Variants in LHFPL3 observed in about 807,000 individuals in gnomAD.
LHFPL3 encodes the protein LHFPL tetraspan subfamily member 3.
LHFPL3 carries 5 observed loss-of-function variants against 19.3 expected under a neutral mutation model. That is an observed-to-expected ratio of 0.26 (90% CI 0.14 to 0.54). The LOEUF (loss-of-function observed/expected upper bound fraction) is 0.54. Among genes scored for constraint, LHFPL3 ranks in the 20% least tolerant of loss-of-function variants. The pLI is 0.94. For synonymous variants in LHFPL3, 133 were observed against 126.2 expected (o/e 1.05, Z -0.36); for missense variants, 249 against 307.4 (o/e 0.81, Z 1.42).
chr7:104,531,990 G>A (rs916937593), intron 1 of LHFPL3, among the ~76,000 whole-genome samples: 48 of 152,164 alleles, frequency 3.2e-4, no homozygotes, highest in African/African-American at 1.1e-3. Flanking sequence ...GTTCTGGGCC[G>A]TGATTCCTTC....
chr7:104,794,177 C>G (rs963201408), intron 2 of LHFPL3, among the ~76,000 whole-genome samples: 1 of 152,174 alleles, frequency 6.6e-6, no homozygotes, highest in Non-Finnish European at 1.5e-5. Flanking sequence ...CAAATCTGCT[C>G]TAAATAGCCA....
chr7:104,337,169 G>GT (rs1455630635), intron 1 of LHFPL3, among the ~76,000 whole-genome samples: 1 of 151,968 alleles, frequency 6.6e-6, no homozygotes, highest in African/African-American at 2.4e-5. Flanking sequence ...AGAAGGCTCA[G>GT]TATTAAAACA....
chr7:104,557,322 G>A (rs1789864695), intron 1 of LHFPL3, among the ~76,000 whole-genome samples: 1 of 152,198 alleles, frequency 6.6e-6, no homozygotes, highest in African/African-American at 2.4e-5. Context: ...CATAGCTGGG[G>A]AGGCCTCACA....
intron 2 of LHFPL3, among the ~76,000 whole-genome samples, chr7:104,882,209 T>C (rs1792072039): frequency 6.6e-6 from 1 of 152,124 alleles, no homozygotes; most frequent in African/African-American, 2.4e-5. Flanking sequence ...ACTGAAAGAA[T>C]CCAACCACTA....
At chr7:104,427,014 A>G (rs1791860357) in intron 1 of LHFPL3, among the ~76,000 whole-genome samples, 1 of 152,192 alleles carries the variant, frequency 6.6e-6, no homozygotes, top group African/African-American at 2.4e-5. Context: ...ATAACTAATA[A>G]ATAGTTATAG....
chr7:104,745,217 CTT>C (rs1399023689), intron 2 of LHFPL3, among the ~76,000 whole-genome samples: 3 of 152,302 alleles, frequency 2.0e-5, no homozygotes, highest in African/African-American at 7.2e-5. Flanking sequence ...TCCTGGGAAA[CTT>C]TTGCTTTCCT....
chr7:104,405,513 A>G (rs1791396762), intron 1 of LHFPL3, among the ~76,000 whole-genome samples: 1 of 152,162 alleles, frequency 6.6e-6, no homozygotes, highest in Non-Finnish European at 1.5e-5. Flanking sequence ...TATTTTAGAT[A>G]AATTTTCTCT....
intron 1 of LHFPL3, among the ~76,000 whole-genome samples, chr7:104,731,284 G>A (rs994466005): frequency 1.4e-5 from 2 of 146,986 alleles, no homozygotes; most frequent in African/African-American, 5.1e-5. Flanking sequence ...GCTTGATGGG[G>A]ATGGCATTGA....
Position 104,690,090 on chromosome 7 carries a change from T to C in LHFPL3, c.446-46585T>C, listed in dbSNP as rs953639857. On this transcript the variant is annotated intron_variant, in intron 1 of 2. Coordinates refer to ENST00000424859, the MANE Select transcript of LHFPL3 (RefSeq NM_199000.3). Reference sequence around the variant, plus strand: ...GTGCCACCATCAAGGACTTAAAAGATGCAGGGGTGGTGATTCCCAACACAT... The same window carrying C: ...GTGCCACCATCAAGGACTTAAAAGACGCAGGGGTGGTGATTCCCAACACAT... Among the ~76,000 whole-genome samples, 179 of 152,386 alleles carry C rather than the reference T, an allele frequency of 1.2e-3. 2 individuals are homozygous for C. The highest frequency in any genetic ancestry group is 4.1e-3 in the African/African-American group (171 of 41,602).
rs1040357681 is a variant in LHFPL3 at position 104,868,735 on chromosome 7, C to T, written c.683-37452C>T. 6.6e-5 allele frequency among the ~76,000 whole-genome samples: 10 copies of T among 152,074 alleles called. No homozygotes were observed. In the East Asian group the frequency reaches 1.2e-3, roughly 18 times the overall value. ...AATTGGAAAAAACGACTTTAAAGTT[C>T]ATATAGAACCAAAAAAGAGCCCGCA... On this transcript the variant is annotated intron_variant, in intron 2 of 2. Coordinates refer to ENST00000424859, the MANE Select transcript of LHFPL3 (RefSeq NM_199000.3).
At chr7:104,717,470 T>C (rs138309347) in intron 1 of LHFPL3, among the ~76,000 whole-genome samples, 3 of 152,216 alleles carry the variant, frequency 2.0e-5, no homozygotes, top group African/African-American at 7.2e-5. Flanking sequence ...GAAAAACTAA[T>C]AACCTGATTT....
chr7:104,502,083 G>C (rs368607202), intron 1 of LHFPL3, among the ~76,000 whole-genome samples: 2 of 152,190 alleles, frequency 1.3e-5, no homozygotes, highest in African/African-American at 4.8e-5. Context: ...TGTGAAAATA[G>C]ACATGAATCA....
intron 1 of LHFPL3, among the ~76,000 whole-genome samples, chr7:104,433,049 G>A (rs190678578): frequency 2.0e-5 from 3 of 152,158 alleles, no homozygotes; most frequent in East Asian, 1.9e-4. Context: ...ATGCCAAAGA[G>A]CTTTGTTTAT....
intron 1 of LHFPL3, among the ~76,000 whole-genome samples, chr7:104,376,751 C>T (rs920794159): frequency 2.6e-5 from 4 of 152,216 alleles, no homozygotes; most frequent in South Asian, 2.1e-4. Flanking sequence ...CAAGCCTTGG[C>T]GACACTCCTC....
intron 1 of LHFPL3, among the ~76,000 whole-genome samples, chr7:104,343,985 A>G (rs1396512005): frequency 6.6e-6 from 1 of 152,186 alleles, no homozygotes; most frequent in Non-Finnish European, 1.5e-5. Context: ...AGAATGACAT[A>G]TACTATAGAT....
intron 2 of LHFPL3, among the ~76,000 whole-genome samples, chr7:104,835,349 C>T (rs1314634289): frequency 6.6e-6 from 1 of 151,844 alleles, no homozygotes; most frequent in African/African-American, 2.4e-5. Flanking sequence ...CTTCATGGAG[C>T]CCTACACTTT....
At chr7:104,506,198 G>C (rs1165104559) in intron 1 of LHFPL3, among the ~76,000 whole-genome samples, 9 of 152,026 alleles carry the variant, frequency 5.9e-5, no homozygotes, top group Non-Finnish European at 1.5e-5. Flanking sequence ...TGTGTTTTTA[G>C]TAGAGACGGG....
At chr7:104,857,271 A>G (rs1791526257) in intron 2 of LHFPL3, among the ~76,000 whole-genome samples, 1 of 142,524 alleles carries the variant, frequency 7.0e-6, no homozygotes, top group Non-Finnish European at 1.5e-5. Flanking sequence ...AAGGCGGGGC[A>G]GGAAATGATG....
chr7:104,622,069 A>G (rs1791455488), intron 1 of LHFPL3, among the ~76,000 whole-genome samples: 1 of 152,202 alleles, frequency 6.6e-6, no homozygotes, highest in Non-Finnish European at 1.5e-5. Flanking sequence ...TTGTGTTTCC[A>G]AAGTTGGCTG....
Sources: allele counts gnomAD v4.1 joint callset (sites outside exome capture counted in the v4.1 genomes callset), GRCh38; gene constraint gnomAD v4.1.1; transcripts MANE v1.5; gene names NCBI Gene and HGNC (gene_info 2026-07-23, HGNC 2026-07-21).